The following ADGRL3 variants were observed in gnomAD, a reference collection of about 807,000 sequenced individuals.
The protein encoded by ADGRL3 is calcium-independent alpha-latrotoxin receptor 3.
In ADGRL3, 62 loss-of-function variants were observed where a neutral mutation model predicts 153.5. The ratio of observed to expected loss-of-function variants is 0.40; its 90% CI spans 0.33 to 0.50. The LOEUF (loss-of-function observed/expected upper bound fraction) is 0.50, where lower values mean the gene tolerates loss of function less well. ADGRL3 is among the 20% of genes least tolerant of loss of function. The pLI, the probability that ADGRL3 is intolerant of heterozygous loss-of-function variation, is 0.47. For synonymous variants in ADGRL3, 710 were observed against 672.5 expected, an observed-to-expected ratio of 1.06 and a Z score of -0.86; for missense variants, 1,641 against 1,859.4, an observed-to-expected ratio of 0.88 and a Z score of 2.16.
At chr4:61,340,672 G>C (rs2095789210) in intron 1 of ADGRL3, among the ~76,000 whole-genome samples, 1 of 151,908 alleles carries the variant, frequency 6.6e-6, no homozygotes, top group African/African-American at 2.4e-5. Context: ...GCTTATCTGG[G>C]AGATTTATGC....
At chr4:61,460,265 T>C (rs1051702739) in intron 2 of ADGRL3, among the ~76,000 whole-genome samples, 1 of 152,046 alleles carries the variant, frequency 6.6e-6, no homozygotes, top group Non-Finnish European at 1.5e-5. Context: ...GATAGGAGTC[T>C]CATTTCATTA....
At chr4:61,877,020 G>A (rs1435098703) in intron 9 of ADGRL3, among the ~76,000 whole-genome samples, 1 of 152,126 alleles carries the variant, frequency 6.6e-6, no homozygotes, top group African/African-American at 2.4e-5. Context: ...GAGCAAAGGT[G>A]AGGAGCTCAA....
At chr4:61,912,213 C>G (rs190457325) in intron 12 of ADGRL3, among the ~76,000 whole-genome samples, 214 of 152,118 alleles carry the variant, frequency 1.4e-3, no homozygotes, top group African/African-American at 5.0e-3. Context: ...ATGGGCATTT[C>G]TTTTTTCCTG....
At chr4:61,833,882 G>C (rs925217457) in intron 9 of ADGRL3, among the ~76,000 whole-genome samples, 2 of 151,980 alleles carry the variant, frequency 1.3e-5, no homozygotes, top group African/African-American at 4.8e-5. Context: ...GAGCAGTTTG[G>C]AGGATAGAAG....
intron 25 of ADGRL3, among the ~76,000 whole-genome samples, chr4:62,045,970 A>G (rs932436082): frequency 6.6e-6 from 1 of 151,972 alleles, no homozygotes; most frequent in Admixed American, 6.6e-5. Context: ...AATTTCTTTT[A>G]ATATGAGTAT....
intron 8 of ADGRL3, among the ~76,000 whole-genome samples, chr4:61,745,091 G>A (rs1168826698): frequency 3.9e-5 from 6 of 152,148 alleles, no homozygotes; most frequent in Admixed American, 3.3e-4. Context: ...GAGCCAATGC[G>A]ATCAACTGGA....
chr4:61,629,599 C>A (rs536127115), intron 5 of ADGRL3, among the ~76,000 whole-genome samples: 15 of 150,970 alleles, frequency 9.9e-5, no homozygotes, highest in African/African-American at 3.4e-4. Flanking sequence ...AGCCTGTAAT[C>A]CCAGCTACTC....
intron 4 of ADGRL3, among the ~76,000 whole-genome samples, chr4:61,543,144 C>CG (rs1327226374): frequency 2.7e-5 from 4 of 148,224 alleles, no homozygotes; most frequent in African/African-American, 9.9e-5. Flanking sequence ...TCCCCCCCAC[C>CG]CCCCCACCTC....
At chr4:61,952,750 T>C (rs995447) in intron 17 of ADGRL3, among the ~76,000 whole-genome samples, 13,908 of 152,134 alleles carry the variant, frequency 0.091, 781 homozygotes, top group East Asian at 0.18. Flanking sequence ...ACTCTGGCTC[T>C]GAGATTCTAC....
intron 1 of ADGRL3, among the ~76,000 whole-genome samples, chr4:61,224,455 G>A (rs987314079): frequency 1.7e-4 from 26 of 152,040 alleles, no homozygotes; most frequent in African/African-American, 6.0e-4. Flanking sequence ...TCTTACTAAA[G>A]CATTATGTAT....
At chr4:61,203,081 T>C (rs1322059623) in intron 1 of ADGRL3, among the ~76,000 whole-genome samples, 2 of 152,158 alleles carry the variant, frequency 1.3e-5, no homozygotes, top group African/African-American at 4.8e-5. Context: ...GGTGCAGCGC[T>C]CGATGCACCC....
chr4:61,857,577 T>C (rs184404721), intron 9 of ADGRL3, among the ~76,000 whole-genome samples: 87 of 152,054 alleles, frequency 5.7e-4, no homozygotes, highest in African/African-American at 2.0e-3. Context: ...GGGTCTAAGA[T>C]TATAGATTAT....
chr4:61,299,137 C>A (rs140832690), intron 1 of ADGRL3, among the ~76,000 whole-genome samples: 17 of 152,208 alleles, frequency 1.1e-4, no homozygotes, highest in Admixed American at 1.1e-3. Context: ...TTTCTCTCTA[C>A]ATGCCCGCCG....
chr4:61,947,594 C>T (rs148220355), intron 16 of ADGRL3, among the ~76,000 whole-genome samples: 13 of 152,118 alleles, frequency 8.5e-5, no homozygotes, highest in Non-Finnish European at 1.2e-4. Context: ...CATTATGTTG[C>T]ATACCTTAAA....
chr4:61,493,359 A>G (rs1226228248), intron 2 of ADGRL3, among the ~76,000 whole-genome samples: 1 of 152,166 alleles, frequency 6.6e-6, no homozygotes, highest in Non-Finnish European at 1.5e-5. Context: ...ATCAAATGTC[A>G]AATGTCCGAG....
intron 5 of ADGRL3, among the ~76,000 whole-genome samples, chr4:61,618,581 T>C (rs1035928257): frequency 6.6e-6 from 1 of 152,132 alleles, no homozygotes; most frequent in Non-Finnish European, 1.5e-5. Context: ...TTAGATGGGA[T>C]TGCTTATCTT....
At chr4:61,276,912 T>A (rs1022156499) in intron 1 of ADGRL3, among the ~76,000 whole-genome samples, 1 of 152,144 alleles carries the variant, frequency 6.6e-6, no homozygotes, top group Non-Finnish European at 1.5e-5. Context: ...GAACAGATAC[T>A]GTTGTGAGAA....
chr4:61,667,195 T>G (rs536692922), intron 5 of ADGRL3, among the ~76,000 whole-genome samples: 1 of 152,296 alleles, frequency 6.6e-6, no homozygotes, highest in East Asian at 1.9e-4. Flanking sequence ...CAGAGGTATG[T>G]GGAGTATTTG....
intron 2 of ADGRL3, among the ~76,000 whole-genome samples, chr4:61,411,441 G>T (rs1180960155): frequency 6.6e-6 from 1 of 152,178 alleles, no homozygotes; most frequent in African/African-American, 2.4e-5. Context: ...GTCAGCAACA[G>T]TAATTTTCCA....
Sources: allele counts gnomAD v4.1 joint callset (sites outside exome capture counted in the v4.1 genomes callset), GRCh38; gene constraint gnomAD v4.1.1; transcripts MANE v1.5; gene names NCBI Gene and HGNC (gene_info 2026-07-23, HGNC 2026-07-21).